PRKAR1B: variants seen among roughly 807,000 people sequenced by gnomAD.
PRKAR1B encodes cAMP-dependent protein kinase type I-beta regulatory subunit.
PRKAR1B carries 22 observed loss-of-function variants against 46.5 expected under a neutral mutation model. The observed-to-expected ratio is 0.47, with a 90% CI of 0.34 to 0.68. PRKAR1B has a LOEUF of 0.68. Among genes scored for constraint, PRKAR1B ranks in the 30% least tolerant of loss-of-function variants. PRKAR1B has a pLI of 0.01. For missense variants in PRKAR1B, 445 were observed against 535.6 expected (o/e 0.83, Z 1.67); for synonymous variants, 259 against 217.7 (o/e 1.19, Z -1.67).
intron 2 of PRKAR1B, among the ~76,000 whole-genome samples, chr7:694,192 G>A (rs1440568667): frequency 6.6e-6 from 1 of 152,164 alleles, no homozygotes; most frequent in Non-Finnish European, 1.5e-5. Context: ...GGCTGAGGCA[G>A]GAGAATCACA....
intron 2 of PRKAR1B, among the ~76,000 whole-genome samples, chr7:699,067 C>T (rs557175330): frequency 6.6e-6 from 1 of 152,312 alleles, no homozygotes; most frequent in South Asian, 2.1e-4. Context: ...GGGGGTTCCA[C>T]CATCAAAGCC....
At chr7:676,464 C>A (rs1778300588) in intron 4 of PRKAR1B, among the ~76,000 whole-genome samples, 1 of 152,188 alleles carries the variant, frequency 6.6e-6, no homozygotes, top group Admixed American at 6.5e-5. Flanking sequence ...TTAGCAACGG[C>A]AAGGTATATC....
At chr7:633,261 GGCCGTGACTCCATGT>G (rs2128480450) in intron 4 of PRKAR1B, among the ~76,000 whole-genome samples, 1 of 152,260 alleles carries the variant, frequency 6.6e-6, no homozygotes, top group South Asian at 2.1e-4. Context: ...AGGCAGGAGG[GGCCGTGACTCCATGT>G]GCGTATTTGC....
chr7:717,448 G>C (rs1481908471), intron 1 of PRKAR1B, among the ~76,000 whole-genome samples: 1 of 152,078 alleles, frequency 6.6e-6, no homozygotes, highest in East Asian at 1.9e-4. Context: ...CTTGAGTCCA[G>C]GAGTTCAAGA....
At position 699,447 on chromosome 7, in the gene PRKAR1B, TG is replaced by T. The variant is rs141735552; in HGVS notation, c.177+11881del. On this transcript the variant is annotated intron_variant, in intron 2 of 10. Coordinates refer to ENST00000537384, the MANE Select transcript of PRKAR1B (RefSeq NM_001164760.2). ...GGGTAGGAAGGGCAGAGGTCACAGC[TG>T]GAGGAAGGAGTGGGCAGTTACCCCC... 8.6e-3 allele frequency among the ~76,000 whole-genome samples: 1,311 copies of T among 152,212 alleles called. 12 individuals carry two copies. Among genetic ancestry groups the T allele is most frequent in the Middle Eastern group, 0.031 (9 of 294 alleles).
At chr7:573,387 C>G (rs912167363) in intron 9 of PRKAR1B, among the ~76,000 whole-genome samples, 2 of 152,082 alleles carry the variant, frequency 1.3e-5, no homozygotes, top group Admixed American at 6.5e-5. Context: ...GCGCAGCGCT[C>G]TGCTCTCCCC....
At chr7:675,150 G>C (rs985800535) in intron 4 of PRKAR1B, among the ~76,000 whole-genome samples, 10 of 152,202 alleles carry the variant, frequency 6.6e-5, no homozygotes, top group African/African-American at 2.4e-4. Flanking sequence ...ACGTGACCTT[G>C]GCAAAGGCAG....
rs745509050 is a variant in PRKAR1B at position 596,248 on chromosome 7, C to T, written c.606G>A (p.Glu202=). 1.2e-6 allele frequency: 2 copies of T among 1,613,988 alleles called. No individual in the cohort carries two copies. The highest frequency in any genetic ancestry group is 1.7e-4 in the Middle Eastern group (1 of 6,058). Reference sequence around the variant, plus strand: ...TGGGGGTGCCGTAGATGAGCGCCAGCTCCCCGAAGCTGCCTCCCTCGCTGA... The same window carrying T: ...TGGGGGTGCCGTAGATGAGCGCCAGTTCCCCGAAGCTGCCTCCCTCGCTGA... The part of the protein sequence containing the change: ...TNISEGGSFG[E]LALIYGTPRA... The change falls in exon 7 of 11, where the codon GAG becomes GAA. Residue 202 remains glutamate (E), a synonymous_variant. Coordinates refer to ENST00000537384, the MANE Select transcript of PRKAR1B (RefSeq NM_001164760.2).
chr7:695,442 G>A (rs150781113), intron 2 of PRKAR1B, among the ~76,000 whole-genome samples: 93 of 152,278 alleles, frequency 6.1e-4, no homozygotes, highest in African/African-American at 2.0e-3. Flanking sequence ...TCAGGAAGGG[G>A]TCAGTGGTGC....
intron 2 of PRKAR1B, among the ~76,000 whole-genome samples, chr7:685,305 T>TAC (rs1778987196): frequency 7.4e-5 from 1 of 13,510 alleles, no homozygotes; most frequent in African/African-American, 3.6e-4. Context: ...CATATATATA[T>TAC]ACGTATATAT....
intron 9 of PRKAR1B, among the ~76,000 whole-genome samples, chr7:568,544 C>T (rs1470494400): frequency 1.3e-5 from 2 of 152,262 alleles, no homozygotes; most frequent in Admixed American, 1.3e-4. Context: ...CCCGGCTTCA[C>T]TCAACATCAT....
rs566771564 is a variant in PRKAR1B at position 645,379 on chromosome 7, A to G, written c.440+31850T>C. ...AATCTCACTCAGTCTACTTGGGCGCAGTGGCTCAAGCCTGTAATCCCAGCA... is the reference window on the plus strand; with the variant it reads ...AATCTCACTCAGTCTACTTGGGCGCGGTGGCTCAAGCCTGTAATCCCAGCA... On this transcript the variant is annotated intron_variant, in intron 4 of 10. Coordinates refer to ENST00000537384, the MANE Select transcript of PRKAR1B (RefSeq NM_001164760.2). Among the ~76,000 whole-genome samples, 7 of 152,312 alleles carry G rather than the reference A, an allele frequency of 4.6e-5. No homozygotes were observed. In the South Asian group the frequency reaches 1.5e-3, roughly 32 times the overall value.
At chr7:642,977 G>A (rs1044469061) in intron 4 of PRKAR1B, among the ~76,000 whole-genome samples, 1 of 151,362 alleles carries the variant, frequency 6.6e-6, no homozygotes, top group Non-Finnish European at 1.5e-5. Flanking sequence ...TGTAAAGGAT[G>A]GATGGTGCTA....
At chr7:632,118 A>G (rs1783784681) in intron 4 of PRKAR1B, among the ~76,000 whole-genome samples, 1 of 152,208 alleles carries the variant, frequency 6.6e-6, no homozygotes, top group Non-Finnish European at 1.5e-5. Flanking sequence ...TCCTGCGCAC[A>G]CGCAACAGAG....
intron 6 of PRKAR1B, chr7:603,341 C>G (rs1449436391): frequency 6.6e-6 from 1 of 152,432 alleles, no homozygotes; most frequent in African/African-American, 2.4e-5. Context: ...TGAGCTGGGC[C>G]TGGCGGGGTC....
chr7:664,360 G>A (rs974322784), intron 4 of PRKAR1B, among the ~76,000 whole-genome samples: 32 of 152,190 alleles, frequency 2.1e-4, no homozygotes, highest in African/African-American at 7.0e-4. Context: ...AGGCCTGCAT[G>A]AACACAGCCT....
chr7:668,341 T>C (rs1176630413), intron 4 of PRKAR1B, among the ~76,000 whole-genome samples: 1 of 152,326 alleles, frequency 6.6e-6, no homozygotes, highest in Admixed American at 6.5e-5. Flanking sequence ...ATCTGGATGC[T>C]GCACAGGGGA....
chr7:576,922 T>A (rs1026963002), intron 9 of PRKAR1B, among the ~76,000 whole-genome samples: 2 of 151,762 alleles, frequency 1.3e-5, no homozygotes, highest in East Asian at 3.9e-4. Flanking sequence ...GCCTCCTGCT[T>A]TTCGGCCTGT....
chr7:705,043 G>T (rs1240948866), intron 2 of PRKAR1B, among the ~76,000 whole-genome samples: 1 of 152,106 alleles, frequency 6.6e-6, no homozygotes, highest in African/African-American at 2.4e-5. Flanking sequence ...TGTAATCCCA[G>T]CACTTTGGGA....
Sources: allele counts gnomAD v4.1 joint callset (sites outside exome capture counted in the v4.1 genomes callset), GRCh38; gene constraint gnomAD v4.1.1; transcripts MANE v1.5; gene names NCBI Gene and HGNC (gene_info 2026-07-23, HGNC 2026-07-21).